RIMBP2: variants seen among roughly 807,000 people sequenced by gnomAD.
The protein encoded by RIMBP2 is RIMS-binding protein 2.
Under a neutral mutation model 118.6 loss-of-function variants are expected in RIMBP2, and 48 were observed. The ratio of observed to expected loss-of-function variants is 0.40; its 90% confidence interval spans 0.32 to 0.51. The LOEUF is 0.51. Among genes scored for constraint, RIMBP2 ranks in the 20% least tolerant of loss-of-function variants. The probability of loss-of-function intolerance (pLI) is 0.41; values close to 1 mark genes in which losing one functional copy is unlikely to be tolerated. For missense variants in RIMBP2, 1,551 were observed against 1,768.3 expected, an observed-to-expected ratio of 0.88 and a Z score of 2.20; for synonymous variants, 762 against 742.9, an observed-to-expected ratio of 1.03 and a Z score of -0.42.
intron 6 of RIMBP2, among the ~76,000 whole-genome samples, chr12:130,463,567 C>T (rs12322663): frequency 0.26 from 39,810 of 152,040 alleles, 6,434 homozygotes; most frequent in Non-Finnish European, 0.35. Context: ...GATAAGCAGG[C>T]GCTGTGCTGG....
chr12:130,565,539 T>C (rs1312319473), intron 2 of RIMBP2, among the ~76,000 whole-genome samples: 1 of 152,224 alleles, frequency 6.6e-6, no homozygotes, highest in Non-Finnish European at 1.5e-5. Flanking sequence ...TGGATACACA[T>C]GTGGTTGCTT....
At chr12:130,595,020 C>T (rs547846910) in intron 2 of RIMBP2, among the ~76,000 whole-genome samples, 47 of 152,268 alleles carry the variant, frequency 3.1e-4, no homozygotes, top group Admixed American at 5.2e-4. Flanking sequence ...ACACTGCCTT[C>T]GTTATTAAGG....
chr12:130,572,192 C>A (rs1380830918), intron 2 of RIMBP2, among the ~76,000 whole-genome samples: 1 of 152,212 alleles, frequency 6.6e-6, no homozygotes, highest in Admixed American at 6.5e-5. Context: ...GTGACAGGGA[C>A]AAAGCGGCCG....
At chr12:130,477,859 GGGCGGGA>G (rs2138064269) in intron 5 of RIMBP2, among the ~76,000 whole-genome samples, 1 of 152,354 alleles carries the variant, frequency 6.6e-6, no homozygotes, top group East Asian at 1.9e-4. Context: ...AGCCAGCACC[GGGCGGGA>G]GGCTGCAGAC....
rs1449282187 is a variant in RIMBP2, at chr12:130,683,703, C to T, written c.-352+32519G>A. Among the ~76,000 whole-genome samples, 8 of 152,174 alleles carry T rather than the reference C, an allele frequency of 5.3e-5. No individual in the cohort carries two copies. Among genetic ancestry groups the T allele is most frequent in the African/African-American group, 1.4e-4 (6 of 41,446 alleles). On this transcript the variant is annotated intron_variant, in intron 1 of 22. Coordinates refer to ENST00000690449, the MANE Select transcript of RIMBP2 (RefSeq NM_001393629.1). This position sits in a 1 kb window ranked among gnomAD's most constrained non-coding sequence, Gnocchi z 4.4. ...GACCACAAGAGTGATCTCTGGTCATCCTCATTGCTACACTCCCACCAGCAC... is the reference window on the plus strand; with the variant it reads ...GACCACAAGAGTGATCTCTGGTCATTCTCATTGCTACACTCCCACCAGCAC...
chr12:130,433,246 T>C (rs933289553), intron 14 of RIMBP2, among the ~76,000 whole-genome samples: 3 of 152,208 alleles, frequency 2.0e-5, no homozygotes, highest in Admixed American at 1.3e-4. Flanking sequence ...GTCGTGGGGT[T>C]TACCTTTTGG....
At chr12:130,571,765 T>C (rs1315229814) in intron 2 of RIMBP2, among the ~76,000 whole-genome samples, 1 of 152,122 alleles carries the variant, frequency 6.6e-6, no homozygotes, top group African/African-American at 2.4e-5. Context: ...AGGCTGTTTG[T>C]ATCTGGCCCC....
intron 4 of RIMBP2, among the ~76,000 whole-genome samples, chr12:130,481,213 G>C (rs1166265636): frequency 2.0e-5 from 3 of 152,298 alleles, no homozygotes; most frequent in African/African-American, 7.2e-5. Flanking sequence ...GAGGCAGACA[G>C]GCTGATTACA....
intron 1 of RIMBP2, chr12:130,658,769 C>T (rs1406154906): frequency 6.6e-6 from 1 of 152,260 alleles, no homozygotes; most frequent in African/African-American, 2.4e-5. Flanking sequence ...CCCGCACCCG[C>T]TGAGCCTTCG....
chr12:130,478,970 T>C lies in RIMBP2; in HGVS notation c.44A>G (p.His15Arg), dbSNP rs1243552988. The C allele has an allele frequency of 1.9e-6, 3 of 1,613,998 alleles. No individual in the cohort carries two copies. Among genetic ancestry groups the C allele is most frequent in the Non-Finnish European group, 2.5e-6 (3 of 1,179,974 alleles). Residue 15 changes from histidine (H) to arginine (R), a missense_variant, in exon 5 of 23, where the codon CAT becomes CGT. By Grantham distance (29) the His-to-Arg change is conservative. This residue lies in a region of RIMBP2 where 239 missense variants were observed against 256.8 expected (regional missense o/e 0.93). Transcript: ENST00000690449. ...AERRQQLQLEHDQALAVLSAK... is the reference protein window; with the variant it reads ...AERRQQLQLERDQALAVLSAK... ...ACTGAGAACAGCCAGGGCCTGGTCA[T>C]GCTCCAACTGCAGCTGCTGCCGCCG...
At position 130,407,749 on chromosome 12, in the gene RIMBP2, T is replaced by A. The variant is rs376306432; in HGVS notation, c.3670A>T (p.Ser1224Cys). 4.9e-5 allele frequency: 79 copies of A among 1,613,918 alleles called. No homozygotes were observed. The highest frequency in any genetic ancestry group is 6.1e-5 in the Non-Finnish European group (72 of 1,179,948). ...ACCTCGACATCGACGTTGGGCGAGC[T>A]TTCTCTGGGGTCGTAGTCATACAGG... ...VALYDYDPRE[S>C]SPNVDVEAEL... Residue 1224 changes from serine to cysteine, a missense_variant, in exon 20 of 23, where the codon AGC (serine) becomes TGC (cysteine). This residue lies in a region of RIMBP2 where 1,038 missense variants were observed against 1,125.1 expected (regional missense o/e 0.92). Transcript: ENST00000690449.
At chr12:130,565,559 C>A (rs1039196612) in intron 2 of RIMBP2, among the ~76,000 whole-genome samples, 4 of 152,162 alleles carry the variant, frequency 2.6e-5, no homozygotes, top group African/African-American at 4.8e-5. Flanking sequence ...TCCTTATTCT[C>A]AGAAAAGAAC....
Position 130,420,176 on chromosome 12 carries a change from G to A in RIMBP2, c.3238+2277C>T, listed in dbSNP as rs2076327594. 1.3e-5 allele frequency among the ~76,000 whole-genome samples: 2 copies of A among 152,108 alleles called. No individual in the cohort carries two copies. The highest frequency in any genetic ancestry group is 4.8e-5 in the African/African-American group (2 of 41,418). On this transcript the variant is annotated intron_variant, in intron 17 of 22. Transcript: ENST00000690449. The surrounding 1 kb of genome is among the most constrained non-coding windows in gnomAD (Gnocchi z 4.3). ...TTCATTTCCCAAAGCTCTTTGCCGA[G>A]TCCTCCTCCTCCTCAGGTGGGTGAT...
intron 17 of RIMBP2, among the ~76,000 whole-genome samples, chr12:130,421,414 G>A (rs1432952504): frequency 2.6e-5 from 4 of 152,184 alleles, no homozygotes; most frequent in Non-Finnish European, 5.9e-5. Flanking sequence ...CTGTGAAGAT[G>A]GAATTTTTTT....
At chr12:130,561,255 G>A (rs1242001626) in intron 2 of RIMBP2, among the ~76,000 whole-genome samples, 10 of 152,308 alleles carry the variant, frequency 6.6e-5, no homozygotes, top group Non-Finnish European at 1.5e-4. Flanking sequence ...TTTCAGCCAT[G>A]TGGTCTGTGG....
intron 1 of RIMBP2, among the ~76,000 whole-genome samples, chr12:130,630,242 C>A (rs185211567): frequency 2.2e-4 from 34 of 151,736 alleles, no homozygotes; most frequent in African/African-American, 8.0e-4. Flanking sequence ...AAAATAATAA[C>A]AACAATCAGC....
At chr12:130,671,363 C>T (rs191861968) in intron 1 of RIMBP2, among the ~76,000 whole-genome samples, 55 of 152,274 alleles carry the variant, frequency 3.6e-4, no homozygotes, top group Non-Finnish European at 7.4e-5. Flanking sequence ...CTCTGACTTG[C>T]GTCTTTCCCT....
chr12:130,454,399 G>T (rs1193740860), intron 7 of RIMBP2, among the ~76,000 whole-genome samples: 2 of 152,262 alleles, frequency 1.3e-5, no homozygotes, highest in African/African-American at 4.8e-5. Context: ...TGCGCTGTCT[G>T]CAGGGAGGAG....
At chr12:130,563,922 G>A (rs964143489) in intron 2 of RIMBP2, among the ~76,000 whole-genome samples, 4 of 151,626 alleles carry the variant, frequency 2.6e-5, no homozygotes, top group African/African-American at 7.3e-5. Context: ...CACCTGCTGG[G>A]CTCTACATAA....
Sources: gnomAD v4.1 joint callset for allele counts (sites outside exome capture counted in the v4.1 genomes callset) on GRCh38, gnomAD v4.1.1 for gene constraint, gnomAD v4.1.1 regional missense constraint, Gnocchi (gnomAD v3.1) non-coding constraint, MANE v1.5 for transcripts, NCBI Gene and HGNC (gene_info 2026-07-23, HGNC 2026-07-21) for gene names.